WWOX: variants seen among roughly 807,000 people sequenced by gnomAD.
WWOX encodes the protein WW domain-containing oxidoreductase.
A neutral mutation model predicts 46.2 loss-of-function variants in WWOX; 69 were observed. The observed-to-expected ratio is 1.49, with a 90% CI of 1.23 to 1.82. The LOEUF (loss-of-function observed/expected upper bound fraction) is 1.82, where lower values mean the gene tolerates loss of function less well. WWOX is among the 40% of genes most tolerant of loss of function. The pLI is 0.00. For synonymous variants in WWOX, 359 were observed against 202.6 expected (o/e 1.77, Z -6.56); for missense variants, 919 against 542.6 (o/e 1.69, Z -6.89).
chr16:78,659,091 C>CA (rs201516554), intron 8 of WWOX, among the ~76,000 whole-genome samples: 2,204 of 138,898 alleles, frequency 0.016, 33 homozygotes, highest in African/African-American at 0.037. Flanking sequence ...GAATCCGTCT[C>CA]AAAAAAAAAC....
intron 5 of WWOX, among the ~76,000 whole-genome samples, chr16:78,255,937 G>C (rs13334172): frequency 0.017 from 2,614 of 152,010 alleles, 65 homozygotes; most frequent in African/African-American, 0.056. Flanking sequence ...GGATCACAAG[G>C]TAAGGGGTTT....
At position 78,693,292 on chromosome 16, in the gene WWOX, C is replaced by T. The variant is rs148556770; in HGVS notation, c.1056+260540C>T. Among the ~76,000 whole-genome samples the T allele has an allele frequency of 4.1e-3, 624 of 152,228 alleles. 2 individuals are homozygous for T. The highest frequency in any genetic ancestry group is 0.014 in the African/African-American group (600 of 41,544). On this transcript the variant is annotated intron_variant, in intron 8 of 8. Coordinates refer to ENST00000566780, the MANE Select transcript of WWOX (RefSeq NM_016373.4). ...TCTAGCCTACAAAGAGAATGCTTCC[C>T]GTCCCCACCACTACCCACAGGACCC...
intron 8 of WWOX, among the ~76,000 whole-genome samples, chr16:78,591,042 C>G (rs145481683): frequency 1.3e-5 from 2 of 152,312 alleles, no homozygotes; most frequent in East Asian, 3.9e-4. Context: ...AATGTGTTAT[C>G]TGCCCTAGTC....
Position 78,204,570 on chromosome 16 carries a change from C to T in WWOX, c.516+40281C>T, listed in dbSNP as rs529183808. 7.2e-5 allele frequency among the ~76,000 whole-genome samples: 11 copies of T among 152,228 alleles called. No homozygotes were observed. In the South Asian group the frequency reaches 1.9e-3, roughly 26 times the overall value. On this transcript the variant is annotated intron_variant, in intron 5 of 8. Transcript: ENST00000566780. Reference sequence around the variant, plus strand: ...TCCTCATCAACCCCCCACTACCCTTCCCAGCTTCTGGTAACCATTTTTGTG... The same window carrying T: ...TCCTCATCAACCCCCCACTACCCTTTCCAGCTTCTGGTAACCATTTTTGTG...
At chr16:78,377,687 A>T (rs1447599971) in intron 5 of WWOX, among the ~76,000 whole-genome samples, 1 of 152,112 alleles carries the variant, frequency 6.6e-6, no homozygotes, top group Non-Finnish European at 1.5e-5. Context: ...GTTTTGGATT[A>T]TTTTCGCTCT....
intron 8 of WWOX, among the ~76,000 whole-genome samples, chr16:78,729,411 G>A (rs985111486): frequency 4.6e-5 from 7 of 152,076 alleles, no homozygotes; most frequent in East Asian, 3.9e-4. Flanking sequence ...CCTGTAACAC[G>A]TGGATATGCC....
At chr16:78,963,674 G>T (rs186881778) in intron 8 of WWOX, among the ~76,000 whole-genome samples, 57 of 152,280 alleles carry the variant, frequency 3.7e-4, no homozygotes, top group South Asian at 2.3e-3. Flanking sequence ...CATGCATTGA[G>T]TATGGACTTT....
chr16:78,311,467 G>C (rs2080242291), intron 5 of WWOX, among the ~76,000 whole-genome samples: 1 of 152,232 alleles, frequency 6.6e-6, no homozygotes, highest in South Asian at 2.1e-4. Flanking sequence ...CACTGAAGCA[G>C]ACACTGATTC....
At position 78,425,062 on chromosome 16, in the gene WWOX, T is replaced by A; in HGVS notation, c.791+7T>A. On this transcript the variant is annotated splice_region_variant and intron_variant, in intron 7 of 8. Coordinates refer to ENST00000566780, the MANE Select transcript of WWOX (RefSeq NM_016373.4). Reference sequence around the variant, plus strand: ...TCTCCTCAGAGTCCCATCGGTGGGTTTGAATTGCATATTTGTTCACTTATC... The same window carrying A: ...TCTCCTCAGAGTCCCATCGGTGGGTATGAATTGCATATTTGTTCACTTATC... The A allele has an allele frequency of 1.2e-6, 2 of 1,613,272 alleles. No individual in the cohort carries two copies.
At chr16:79,003,979 C>G (rs1412996414) in intron 8 of WWOX, among the ~76,000 whole-genome samples, 1 of 152,194 alleles carries the variant, frequency 6.6e-6, no homozygotes, top group Non-Finnish European at 1.5e-5. Context: ...AGAAAGTTCC[C>G]TGTACTCTGC....
At chr16:78,783,828 C>CTGATGGTGGTGATGA (rs2050388621) in intron 8 of WWOX, among the ~76,000 whole-genome samples, 1 of 143,724 alleles carries the variant, frequency 7.0e-6, no homozygotes, top group Non-Finnish European at 1.6e-5. Flanking sequence ...TGATAAGATG[C>CTGATGGTGGTGATGA]TGATGGTGGT....
chr16:78,546,794 G>A (rs1270491214), intron 8 of WWOX, among the ~76,000 whole-genome samples: 1 of 152,180 alleles, frequency 6.6e-6, no homozygotes, highest in East Asian at 1.9e-4. Context: ...TTACCAGAGA[G>A]AGCCTAGAAA....
chr16:78,739,608 C>G (rs112665564), intron 8 of WWOX, among the ~76,000 whole-genome samples: 1 of 152,088 alleles, frequency 6.6e-6, no homozygotes, highest in South Asian at 2.1e-4. Flanking sequence ...GTTAGGAGTT[C>G]AAGACCAGCC....
At chr16:78,106,268 G>A (rs917271576) in intron 1 of WWOX, among the ~76,000 whole-genome samples, 1 of 152,144 alleles carries the variant, frequency 6.6e-6, no homozygotes, top group Non-Finnish European at 1.5e-5. Context: ...GGGCTGGAAG[G>A]TTTCATGTTA....
Position 78,976,360 on chromosome 16 carries a change from C to G in WWOX, c.1057-235248C>G, listed in dbSNP as rs532376914. ...GCTTTTGCTCATGGTACCTCAGGTCCTCGCTCACTCCCAGCACTCAGGGCT... is the reference window on the plus strand; with the variant it reads ...GCTTTTGCTCATGGTACCTCAGGTCGTCGCTCACTCCCAGCACTCAGGGCT... On this transcript the variant is annotated intron_variant, in intron 8 of 8. Transcript: ENST00000566780. Among the ~76,000 whole-genome samples, 78 of 152,302 alleles carry G rather than the reference C, an allele frequency of 5.1e-4. 1 individual carries two copies. Among genetic ancestry groups the G allele is most frequent in the African/African-American group, 1.8e-3 (76 of 41,578 alleles).
In WWOX at chr16:78,424,933, T is replaced by C. The variant is rs72549408; in HGVS notation, c.669T>C (p.Asp223=). The C allele has an allele frequency of 4.8e-4, 776 of 1,614,202 alleles. 8 individuals carry two copies. The highest frequency in any genetic ancestry group is 4.2e-5 in the Non-Finnish European group (50 of 1,180,038). The part of the protein sequence containing the change: ...TFALPWSLTK[D]GLETTFQVNH... The stretch of plus-strand genomic sequence containing the variant: ...CTCTACCCTGGAGTCTCACCAAAGA[T>C]GGCCTGGAGACCACCTTTCAAGTGA... The change falls in exon 7 of 9, where the codon GAT becomes GAC. Residue 223 remains aspartate (D), a synonymous_variant. Coordinates refer to ENST00000566780, the MANE Select transcript of WWOX (RefSeq NM_016373.4).
At chr16:78,124,759 G>T (rs1264731273) in intron 4 of WWOX, among the ~76,000 whole-genome samples, 1 of 152,200 alleles carries the variant, frequency 6.6e-6, no homozygotes, top group African/African-American at 2.4e-5. Context: ...TCACCAGGCT[G>T]TGCTTGATGG....
At chr16:78,356,849 T>C (rs1372245473) in intron 5 of WWOX, among the ~76,000 whole-genome samples, 1 of 152,014 alleles carries the variant, frequency 6.6e-6, no homozygotes, top group Non-Finnish European at 1.5e-5. Flanking sequence ...ACCATTGCAC[T>C]CCAGCCTGGC....
At chr16:78,598,134 T>C (rs543715258) in intron 8 of WWOX, among the ~76,000 whole-genome samples, 11 of 152,318 alleles carry the variant, frequency 7.2e-5, no homozygotes, top group African/African-American at 2.2e-4. Context: ...ATGGATTTTC[T>C]ACAAGCTGAG....
Sources: gnomAD v4.1 joint callset for allele counts (sites outside exome capture counted in the v4.1 genomes callset) on GRCh38, gnomAD v4.1.1 for gene constraint, MANE v1.5 for transcripts, NCBI Gene and HGNC (gene_info 2026-07-23, HGNC 2026-07-21) for gene names.